The following SLC6A13 variants were observed in gnomAD, a reference collection of about 807,000 sequenced individuals.
SLC6A13 encodes solute carrier family 6 member 13, also known as sodium- and chloride-dependent GABA transporter 2.
Under a neutral mutation model 72.9 loss-of-function variants are expected in SLC6A13, and 69 were observed. That is an observed-to-expected ratio of 0.95 (90% confidence interval 0.78 to 1.16). The LOEUF (loss-of-function observed/expected upper bound fraction) is 1.16, where lower values mean the gene tolerates loss of function less well. Ranked by LOEUF, SLC6A13 falls within the 50% of genes most tolerant of loss-of-function variation. SLC6A13 has a pLI of 0.00. For synonymous variants in SLC6A13, 303 were observed against 303.0 expected (o/e 1.00, Z 0.00); for missense variants, 735 against 760.5 (o/e 0.97, Z 0.39).
In SLC6A13 at chr12:221,243, C is replaced by T. The variant is rs547972376; in HGVS notation, c.1686+133G>A. ...CGAGACTTCTCAGCAGCCACTCTAT[C>T]GCTCCCTGACACCCAGGCTGGGCCC... On this transcript the variant is annotated intron_variant, in intron 14 of 14. Transcript: ENST00000343164. 2.6e-5 allele frequency: 33 copies of T among 1,274,348 alleles called. No homozygotes were observed. In the African/African-American group the frequency reaches 3.4e-4, roughly 13 times the overall value. 78.9% of individuals were successfully genotyped at this position (1,274,348 alleles called of 1,614,324 possible). A position where few individuals can be genotyped will look rare whatever the true frequency, so the allele number is the denominator to read the frequency against.
At position 243,693 on chromosome 12, in the gene SLC6A13, C is replaced by T; in HGVS notation, c.323G>A (p.Cys108Tyr). The change falls in exon 3 of 15, where the codon TGC becomes TAC. Residue 108 changes from cysteine to tyrosine, a missense_variant. Coordinates refer to ENST00000343164, the MANE Select transcript of SLC6A13 (RefSeq NM_016615.5). Reference sequence around the variant, plus strand: ...GAGCTACTCACCCTCAAAGATGGGGCAGATCTTCCTCCAGGCTGTGACGCC... The same window carrying T: ...GAGCTACTCACCCTCAAAGATGGGGTAGATCTTCCTCCAGGCTGTGACGCC... ...QGGVTAWRKI[C>Y]PIFEGIGYAS... is the part of the protein sequence containing the mutation. 1 of 1,614,058 alleles carries T rather than the reference C, an allele frequency of 6.2e-7. No homozygotes were observed. The highest frequency in any genetic ancestry group is 8.5e-7 in the Non-Finnish European group (1 of 1,179,948).
At chr12:251,170 A>C (rs1043696102) in intron 2 of SLC6A13, among the ~76,000 whole-genome samples, 25 of 152,060 alleles carry the variant, frequency 1.6e-4, no homozygotes, top group African/African-American at 4.6e-4. Flanking sequence ...AAAAACAAAA[A>C]AAAAAAACCT....
In SLC6A13 at chr12:226,434, A is replaced by G; in HGVS notation, c.1016T>C (p.Met339Thr). The change falls in exon 9 of 15, where the codon ATG becomes ACG. Residue 339 changes from methionine to threonine, a missense_variant. Physicochemically the swap from Met to Thr is moderately conservative, Grantham distance 81. Coordinates refer to ENST00000343164, the MANE Select transcript of SLC6A13 (RefSeq NM_016615.5). Reference sequence around the variant, plus strand: ...AATGGGCACCCCCTGCTCCTGAGACATGAAGCCCAGGATGGAGAAGATGGC... The same window carrying G: ...AATGGGCACCCCCTGCTCCTGAGACGTGAAGCCCAGGATGGAGAAGATGGC... ...GFAIFSILGFMSQEQGVPISE... is the reference protein window; with the variant it reads ...GFAIFSILGFTSQEQGVPISE... 2 of 1,614,080 alleles carry G rather than the reference A, an allele frequency of 1.2e-6. No homozygotes were observed. The highest frequency in any genetic ancestry group is 1.7e-6 in the Non-Finnish European group (2 of 1,179,940).
At chr12:224,941 G>A (rs1328405595) in intron 9 of SLC6A13, among the ~76,000 whole-genome samples, 1 of 152,160 alleles carries the variant, frequency 6.6e-6, no homozygotes, top group African/African-American at 2.4e-5. Flanking sequence ...CCAGCTCCTC[G>A]CGATGTTCCG....
chr12:242,671 A>G lies in SLC6A13; in HGVS notation c.421T>C (p.Phe141Leu). Residue 141 changes from phenylalanine to leucine, a missense_variant, in exon 4 of 15, where the codon TTC (phenylalanine) becomes CTC (leucine). Physicochemically the swap from Phe to Leu is conservative, Grantham distance 22 (BLOSUM62 0). Coordinates refer to ENST00000343164, the MANE Select transcript of SLC6A13 (RefSeq NM_016615.5). ...GGCAGGTCGATGGTGAAGCTGCTGA[A>G]GAGGTAGAACAGGGCCCAGGCCAAC... ...IVLAWALFYLFSSFTIDLPWG... is the reference protein window; with the variant it reads ...IVLAWALFYLLSSFTIDLPWG... The G allele has an allele frequency of 1.2e-6, 2 of 1,613,318 alleles. No individual in the cohort carries two copies. The highest frequency in any genetic ancestry group is 4.5e-5 in the East Asian group (2 of 44,872).
intron 9 of SLC6A13, among the ~76,000 whole-genome samples, chr12:225,152 C>A (rs74057631): frequency 0.019 from 2,822 of 152,362 alleles, 83 homozygotes; most frequent in African/African-American, 0.062. Context: ...GGAAAACATG[C>A]ACGTAATAAA....
chr12:229,990 G>T (rs1591829260), intron 7 of SLC6A13, among the ~76,000 whole-genome samples: 1 of 152,248 alleles, frequency 6.6e-6, no homozygotes, highest in African/African-American at 2.4e-5. Flanking sequence ...GAGCGCAAGG[G>T]TCAATGCACT....
intron 9 of SLC6A13, 133 bp from the exon 10 acceptor site, chr12:224,646 C>T: frequency 1.5e-6 from 1 of 669,626 alleles, no homozygotes; most frequent in Admixed American, 2.8e-5. Context: ...TTGCTGTCAC[C>T]ACCACGTCCT....
At chr12:231,480 C>G (rs1030673869) in intron 7 of SLC6A13, among the ~76,000 whole-genome samples, 1 of 152,156 alleles carries the variant, frequency 6.6e-6, no homozygotes, top group Non-Finnish European at 1.5e-5. Context: ...GCAAAGCACC[C>G]CCACCCTGCA....
intron 1 of SLC6A13, 39 bp from the exon 2 acceptor site, chr12:260,096 C>A (rs529551727): frequency 3.7e-5 from 59 of 1,588,132 alleles, no homozygotes; most frequent in Non-Finnish European, 4.6e-5. Flanking sequence ...TGTTGGGAAC[C>A]CCAGAAGGAA....
intron 10 of SLC6A13, 48 bp downstream of exon 10, chr12:224,353 A>G (rs1179799481): frequency 6.6e-7 from 1 of 1,521,272 alleles, no homozygotes; most frequent in Non-Finnish European, 9.1e-7. Flanking sequence ...TCCCCAGCAC[A>G]CACCCCCCCA....
chr12:234,886 T>C (rs1352912412), intron 7 of SLC6A13, among the ~76,000 whole-genome samples: 1 of 152,118 alleles, frequency 6.6e-6, no homozygotes, highest in African/African-American at 2.4e-5. Context: ...TTGTGAGAGG[T>C]CCAAGAACCC....
intron 2 of SLC6A13, among the ~76,000 whole-genome samples, chr12:244,335 A>G (rs1320551461): frequency 1.3e-5 from 2 of 152,338 alleles, no homozygotes; most frequent in Non-Finnish European, 2.9e-5. Context: ...GATGTAAGTC[A>G]TGAGGGCTCT....
In SLC6A13 at chr12:251,087, C is replaced by T. The variant is rs376514500; in HGVS notation, c.203-7274G>A. On this transcript the variant is annotated intron_variant, in intron 2 of 14. Coordinates refer to ENST00000343164, the MANE Select transcript of SLC6A13 (RefSeq NM_016615.5). ...AGGAGAATTGCGTGAACCCGGGAGGCGGAGCTTGCAATGAGCTGAGATCGC... is the reference window on the plus strand; with the variant it reads ...AGGAGAATTGCGTGAACCCGGGAGGTGGAGCTTGCAATGAGCTGAGATCGC... 2.2e-4 allele frequency among the ~76,000 whole-genome samples: 33 copies of T among 150,510 alleles called. 1 individual carries two copies. The South Asian group carries it at 6.1e-3, about 28-fold the overall frequency.
chr12:243,284 G>T (rs1942233954), intron 3 of SLC6A13, among the ~76,000 whole-genome samples: 1 of 152,092 alleles, frequency 6.6e-6, no homozygotes, highest in African/African-American at 2.4e-5. Context: ...CAAAGTGCTG[G>T]GATTACAGGC....
intron 7 of SLC6A13, among the ~76,000 whole-genome samples, chr12:234,330 G>C (rs938207956): frequency 6.6e-6 from 1 of 152,178 alleles, no homozygotes; most frequent in African/African-American, 2.4e-5. Flanking sequence ...GGAACCCTCA[G>C]TTATGGGAAT....
At chr12:236,877 G>A in intron 6 of SLC6A13, 1 of 309,078 alleles carries the variant, frequency 3.2e-6, no homozygotes, top group Non-Finnish European at 6.0e-6. Flanking sequence ...AGGGAACCAT[G>A]ACTTGTGTTC....
chr12:258,839 C>T, intron 2 of SLC6A13: 3 of 810,774 alleles, frequency 3.7e-6, no homozygotes, highest in South Asian at 5.6e-5. Context: ...CTACAACATG[C>T]ACACATTTGT....
intron 7 of SLC6A13, among the ~76,000 whole-genome samples, chr12:230,726 G>A (rs1016037610): frequency 6.6e-5 from 10 of 152,062 alleles, no homozygotes; most frequent in African/African-American, 2.2e-4. Flanking sequence ...TTTGTGATTC[G>A]GGGCAAGTTT....
Sources: allele counts gnomAD v4.1 joint callset (sites outside exome capture counted in the v4.1 genomes callset), GRCh38; gene constraint gnomAD v4.1.1; transcripts MANE v1.5; gene names NCBI Gene and HGNC (gene_info 2026-07-23, HGNC 2026-07-21).